The following UNC13A variants were observed in gnomAD, a reference collection of about 807,000 sequenced individuals.
UNC13A encodes the protein protein unc-13 homolog A.
Under a neutral mutation model 219.7 loss-of-function variants are expected in UNC13A, and 61 were observed. The ratio of observed to expected loss-of-function variants is 0.28; its 90% CI spans 0.23 to 0.34. UNC13A has a LOEUF of 0.34. UNC13A is among the 10% of genes least tolerant of loss of function. The pLI, the probability that UNC13A is intolerant of heterozygous loss-of-function variation, is 1.00. For missense variants in UNC13A, 1,476 were observed against 2,270.3 expected (o/e 0.65, Z 7.11); for synonymous variants, 920 against 884.6 (o/e 1.04, Z -0.71).
intron 17 of UNC13A, 119 bp from the exon 18 acceptor site, chr19:17,646,230 A>G (rs2077024627): frequency 7.2e-7 from 1 of 1,389,056 alleles, no homozygotes; most frequent in Non-Finnish European, 9.8e-7. Context: ...CTGGAGAGCA[A>G]TGGCAGGGCA....
At chr19:17,663,491 C>T in intron 8 of UNC13A, 41 bp downstream of exon 8, 1 of 1,609,498 alleles carries the variant, frequency 6.2e-7, no homozygotes, top group East Asian at 2.2e-5. Flanking sequence ...TGCCCACCTT[C>T]CCATGTAACT....
chr19:17,610,176 C>T (rs1158245622), intron 42 of UNC13A, 77 bp from the exon 43 acceptor site: 1 of 1,591,944 alleles, frequency 6.3e-7, no homozygotes, highest in Non-Finnish European at 8.6e-7. Flanking sequence ...CTCTCAAAAC[C>T]TGCCCAAGGC....
chr19:17,645,258 C>A (rs1038997003), intron 19 of UNC13A, among the ~76,000 whole-genome samples: 4 of 152,144 alleles, frequency 2.6e-5, no homozygotes, highest in African/African-American at 9.7e-5. Context: ...ATCTGCCTGC[C>A]TCAGCTTCCC....
At chr19:17,628,857 C>T (rs569462237) in intron 31 of UNC13A, among the ~76,000 whole-genome samples, 14 of 152,174 alleles carry the variant, frequency 9.2e-5, no homozygotes, top group East Asian at 7.7e-4. Flanking sequence ...CAATCACACA[C>T]GCACACTCAG....
chr19:17,638,949 G>T, intron 25 of UNC13A, 134 bp downstream of exon 25: 1 of 1,092,396 alleles, frequency 9.2e-7, no homozygotes, highest in Non-Finnish European at 1.2e-6. Context: ...TGAGATGTGG[G>T]TTAATGACCC....
intron 38 of UNC13A, among the ~76,000 whole-genome samples, chr19:17,619,524 C>G (rs2076705660): frequency 6.6e-6 from 1 of 151,408 alleles, no homozygotes; most frequent in African/African-American, 2.4e-5. Flanking sequence ...CAGCCTCAAA[C>G]TCCTGGGCTC....
intron 1 of UNC13A, among the ~76,000 whole-genome samples, chr19:17,686,739 A>G (rs1038457052): frequency 6.6e-5 from 10 of 150,842 alleles, no homozygotes; most frequent in African/African-American, 2.4e-4. Flanking sequence ...ACGCCGGCCC[A>G]GCCCGGCCGG....
chr19:17,633,804 T>C (rs868578379), intron 26 of UNC13A, among the ~76,000 whole-genome samples: 1 of 151,702 alleles, frequency 6.6e-6, no homozygotes, highest in Non-Finnish European at 1.5e-5. Flanking sequence ...CAACCACCCA[T>C]CTATCTGTTC....
intron 43 of UNC13A, 94 bp from the exon 44 acceptor site, chr19:17,606,448 C>T: frequency 6.8e-7 from 1 of 1,464,200 alleles, no homozygotes; most frequent in East Asian, 2.6e-5. Context: ...GCCACGCCCA[C>T]ACCGGGGTGC....
rs1197473567 is a variant in UNC13A, at chr19:17,674,862, A to C, written c.53-106T>G. 26 of 940,428 alleles carry C rather than the reference A, an allele frequency of 2.8e-5. No homozygotes were observed. Among genetic ancestry groups the C allele is most frequent in the Non-Finnish European group, 4.0e-5 (24 of 600,738 alleles). The allele number at this position is 940,428 out of a possible 1,614,324, so 58.3% of individuals were successfully genotyped here. ...TGATCCCCTCAGGAATTTCTGGGCC[A>C]CTCACCCCCTAACCCACAACCCCAC... On this transcript the variant is annotated intron_variant, in intron 2 of 43. Coordinates refer to ENST00000519716, the MANE Select transcript of UNC13A (RefSeq NM_001080421.3). This position sits in a 1 kb window ranked among gnomAD's most constrained non-coding sequence, Gnocchi z 5.0.
chr19:17,680,737 C>CTAT (rs1223950806), intron 1 of UNC13A, among the ~76,000 whole-genome samples: 1 of 151,484 alleles, frequency 6.6e-6, no homozygotes, highest in African/African-American at 2.4e-5. Context: ...GTCATTTATA[C>CTAT]TATTATTATT....
intron 1 of UNC13A, among the ~76,000 whole-genome samples, chr19:17,679,887 A>C (rs1396655811): frequency 5.3e-5 from 8 of 152,000 alleles, no homozygotes; most frequent in African/African-American, 1.9e-4. Flanking sequence ...CTAGAGGGGA[A>C]TGGTCTCCGT....
At chr19:17,630,003 C>T (rs1319786820) in intron 30 of UNC13A, 142 bp downstream of exon 30, 19 of 989,904 alleles carry the variant, frequency 1.9e-5, no homozygotes, top group South Asian at 1.4e-4. Context: ...CCAACCTCAA[C>T]CCAAACTCCA....
intron 1 of UNC13A, among the ~76,000 whole-genome samples, chr19:17,686,315 C>G (rs1435350754): frequency 2.3e-5 from 2 of 88,312 alleles, no homozygotes; most frequent in African/African-American, 4.2e-5. Flanking sequence ...CCCCCCCCCC[C>G]CCACTCCACT....
At chr19:17,639,724 G>T in intron 23 of UNC13A, 116 bp downstream of exon 23, 1 of 1,282,616 alleles carries the variant, frequency 7.8e-7, no homozygotes, top group South Asian at 1.3e-5. Flanking sequence ...CATGCTGGAG[G>T]AACACATCGT....
chr19:17,641,466 C>T lies in UNC13A; in HGVS notation c.2563G>A (p.Asp855Asn), dbSNP rs746528494. The T allele has an allele frequency of 2.3e-5, 37 of 1,614,046 alleles. No individual in the cohort carries two copies. Among genetic ancestry groups the T allele is most frequent in the Admixed American group, 6.7e-5 (4 of 59,996 alleles). The part of the protein sequence containing the change: ...KGDDAWKVYY[D>N]ETAQEIVDEF... ...TCCACAATCTCCTGGGCTGTCTCAT[C>T]GTAGTAAACCTTCCAGGCATCGTCA... The change falls in exon 21 of 44, where the codon GAT becomes AAT. Residue 855 changes from aspartate (D) to asparagine (N), a missense_variant. This residue lies in a region of UNC13A where 140 missense variants were observed against 270.9 expected (regional missense o/e 0.52). Coordinates refer to ENST00000519716, the MANE Select transcript of UNC13A (RefSeq NM_001080421.3).
chr19:17,662,468 GTAA>G (rs71336630), intron 8 of UNC13A, among the ~76,000 whole-genome samples: 1 of 151,718 alleles, frequency 6.6e-6, no homozygotes, highest in African/African-American at 2.4e-5. Context: ...ATACTATAAT[GTAA>G]TAATAATAAT....
chr19:17,688,000 G>C (rs1046973886), intron 1 of UNC13A, among the ~76,000 whole-genome samples, 178 bp downstream of exon 1: 3 of 148,714 alleles, frequency 2.0e-5, no homozygotes, highest in African/African-American at 7.5e-5. Context: ...GCCCTGCCGC[G>C]TCTACACGGA....
At position 17,636,071 on chromosome 19, in the gene UNC13A, C is replaced by T. The variant is rs763239920; in HGVS notation, c.3168G>A (p.Val1056=). 1.2e-6 allele frequency: 2 copies of T among 1,612,482 alleles called. No individual in the cohort carries two copies. Among genetic ancestry groups the T allele is most frequent in the Non-Finnish European group, 1.7e-6 (2 of 1,179,134 alleles). ...AATTCTTGTCTTCCTCAATGATGGA[C>T]ACTATGAGGGTAATCAGCTTGGACC... is the stretch of plus-strand genomic sequence containing the variant. ...DFWSKLITLI[V]SIIEEDKNSY... Residue 1056 remains valine (V), a synonymous_variant, in exon 26 of 44, where the codon GTG becomes GTA. Transcript: ENST00000519716.
Sources: allele counts gnomAD v4.1 joint callset (sites outside exome capture counted in the v4.1 genomes callset), GRCh38; gene constraint gnomAD v4.1.1; regional missense constraint gnomAD v4.1.1; non-coding constraint Gnocchi (gnomAD v3.1); transcripts MANE v1.5; gene names NCBI Gene and HGNC (gene_info 2026-07-23, HGNC 2026-07-21).